The following TET3 variants were observed in gnomAD, a reference collection of about 807,000 sequenced individuals.
TET3 encodes the protein tet methylcytosine dioxygenase 3, also known as methylcytosine dioxygenase TET3.
A neutral mutation model predicts 141.4 loss-of-function variants in TET3; 19 were observed. That is an observed-to-expected ratio of 0.13 (90% CI 0.09 to 0.20). The LOEUF is 0.20. TET3 is among the 10% of genes least tolerant of loss of function. The pLI is 1.00. For missense variants in TET3, 1,874 were observed against 2,356.9 expected, an observed-to-expected ratio of 0.80 and a Z score of 4.24; for synonymous variants, 1,043 against 980.9, an observed-to-expected ratio of 1.06 and a Z score of -1.18.
intron 1 of TET3, among the ~76,000 whole-genome samples, chr2:73,985,610 T>G (rs1323262973): frequency 6.6e-6 from 1 of 151,208 alleles, no homozygotes; most frequent in Non-Finnish European, 1.5e-5. Flanking sequence ...CGAGCGAGGC[T>G]CTCAGCAAAC....
At chr2:74,089,847 G>A (rs371526069) in intron 7 of TET3, 50 bp from the exon 8 acceptor site, 20 of 1,603,184 alleles carry the variant, frequency 1.2e-5, no homozygotes, top group Non-Finnish European at 1.6e-5. Context: ...GAATACTCCA[G>A]AACGAAGGGA....
chr2:73,989,606 G>T (rs1489293719), intron 2 of TET3, among the ~76,000 whole-genome samples: 1 of 152,142 alleles, frequency 6.6e-6, no homozygotes, highest in East Asian at 1.9e-4. Context: ...CTAGAGACAG[G>T]TCCCCCAGGG....
intron 3 of TET3, among the ~76,000 whole-genome samples, chr2:74,044,756 G>A (rs1385171850): frequency 1.3e-5 from 2 of 152,188 alleles, no homozygotes; most frequent in African/African-American, 2.4e-5. Context: ...TGGAACCATC[G>A]TAAGTTGGGG....
Position 74,087,683 on chromosome 2 carries a change from G to C in TET3, c.2680-147G>C. ...TTCCCTAATAATGGTCTCTTAGCTT[G>C]TAAGGTTGCTGTCTTCAGGGCATGA... On this transcript the variant is annotated intron_variant, in intron 6 of 11. Coordinates refer to ENST00000409262, the MANE Select transcript of TET3 (RefSeq NM_001287491.2). This position sits in a 1 kb window ranked among gnomAD's most constrained non-coding sequence, Gnocchi z 4.3. 1.6e-6 allele frequency: 1 copy of C among 610,690 alleles called. No homozygotes were observed. Among genetic ancestry groups the C allele is most frequent in the South Asian group, 2.7e-5 (1 of 37,238 alleles). 37.8% of individuals were successfully genotyped at this position (610,690 alleles called of 1,614,324 possible).
chr2:74,059,043 G>T (rs1372291193), intron 4 of TET3, among the ~76,000 whole-genome samples: 1 of 152,206 alleles, frequency 6.6e-6, no homozygotes, highest in African/African-American at 2.4e-5. Flanking sequence ...GATGTGTGCT[G>T]TCTGGTGCTT....
chr2:74,042,048 A>G (rs1158894710), intron 3 of TET3, among the ~76,000 whole-genome samples: 5 of 152,244 alleles, frequency 3.3e-5, no homozygotes, highest in African/African-American at 4.8e-5. Context: ...GTTGAACAGG[A>G]TAGTTCCAAG....
chr2:74,090,192 T>C (rs1199309215), intron 8 of TET3, 145 bp downstream of exon 8: 8 of 1,298,908 alleles, frequency 6.2e-6, no homozygotes, highest in Non-Finnish European at 8.4e-6. Context: ...GCTGACCTTA[T>C]CTTGCTGTGA....
In TET3 at chr2:74,046,457, C is replaced by T. The variant is rs371662230; in HGVS notation, c.540C>T (p.Pro180=). 1.1e-5 allele frequency: 18 copies of T among 1,609,292 alleles called. No homozygotes were observed. The highest frequency in any genetic ancestry group is 1.3e-5 in the African/African-American group (1 of 74,824). The change falls in exon 4 of 12, where the codon CCC becomes CCT. Residue 180 remains proline (P), a synonymous_variant. Transcript: ENST00000409262. This position sits in a 1 kb window ranked among gnomAD's most constrained non-coding sequence, Gnocchi z 4.3. ...GTCCTTGGCGGGTAGACCAAAAGCC[C>T]GACTGGGAGGCTGCCCCAGGCCCAG... is the stretch of plus-strand genomic sequence containing the variant. ...TGGPWRVDQK[P]DWEAAPGPAH... is the part of the protein sequence containing the mutation.
At position 73,986,465 on chromosome 2, in the gene TET3, C is replaced by T. The variant is rs2105056550; in HGVS notation, c.62C>T (p.Pro21Leu). Residue 21 changes from proline (P) to leucine (L), a missense_variant, in exon 2 of 12, where the codon CCT becomes CTT. Physicochemically the swap from Pro to Leu is moderately conservative, Grantham distance 98. Around this residue, in one of 10 missense-constraint regions of TET3, gnomAD observed 366 missense variants for 487.0 expected, o/e 0.75. Coordinates refer to ENST00000409262, the MANE Select transcript of TET3 (RefSeq NM_001287491.2). ...GACCTGCCAGGCCTTTATGACTTCC[C>T]TCAGCGCCAGGTGATGGTAGGGAGC... ...QPDLPGLYDF[P>L]QRQVMVGSFP... 8.1e-7 allele frequency: 1 copy of T among 1,232,264 alleles called. No homozygotes were observed. The highest frequency in any genetic ancestry group is 1.0e-6 in the Non-Finnish European group (1 of 988,076). The allele number at this position is 1,232,264 out of a possible 1,614,324, so 76.3% of individuals were successfully genotyped here.
chr2:73,988,851 G>A (rs979802807), intron 2 of TET3, among the ~76,000 whole-genome samples: 3 of 150,814 alleles, frequency 2.0e-5, no homozygotes, highest in South Asian at 2.1e-4. Flanking sequence ...TCTACTTCTC[G>A]ATGTTTAAAA....
the TET3 span, chr2:74,121,858 TGTG>T: frequency 1.3e-5 from 2 of 152,184 alleles, no homozygotes; most frequent in South Asian, 2.1e-4. Flanking sequence ...ATTAACCAGA[TGTG>T]GTGGTGCACA....
intron 4 of TET3, among the ~76,000 whole-genome samples, chr2:74,061,700 ACGGGG>A (rs1688589077): frequency 7.5e-6 from 1 of 132,666 alleles, no homozygotes; most frequent in African/African-American, 3.0e-5. Context: ...CACTTCTCAG[ACGGGG>A]CAGCTGCCGG....
At chr2:74,066,724 G>A (rs973083013) in intron 4 of TET3, among the ~76,000 whole-genome samples, 1 of 152,220 alleles carries the variant, frequency 6.6e-6, no homozygotes, top group East Asian at 1.9e-4. Flanking sequence ...TGACCAGCCA[G>A]TTCTAGGTTG....
chr2:74,125,814 C>T, the TET3 span, among the ~76,000 whole-genome samples: 1 of 152,086 alleles, frequency 6.6e-6, no homozygotes, highest in African/African-American at 2.4e-5. Flanking sequence ...GGATTACAGG[C>T]ATGAGCCACC....
chr2:74,066,356 G>A (rs1327609395), intron 4 of TET3, among the ~76,000 whole-genome samples: 1 of 152,112 alleles, frequency 6.6e-6, no homozygotes, highest in Admixed American at 6.5e-5. Flanking sequence ...ATTTGAAAAT[G>A]AGACATTTAC....
chr2:74,033,675 G>A (rs561002129), intron 3 of TET3, among the ~76,000 whole-genome samples: 1 of 152,294 alleles, frequency 6.6e-6, no homozygotes, highest in South Asian at 2.1e-4. Flanking sequence ...ACATTATATT[G>A]TAGTCTAGCA....
Position 74,099,377 on chromosome 2 carries a change from G to A in TET3, c.3369G>A (p.Glu1123=). The A allele has an allele frequency of 6.2e-7, 1 of 1,614,022 alleles. No individual in the cohort carries two copies. Among genetic ancestry groups the A allele is most frequent in the Non-Finnish European group, 8.5e-7 (1 of 1,179,896 alleles). The change falls in exon 11 of 12, where the codon GAG becomes GAA. Residue 1123 remains glutamate, a synonymous_variant. Transcript: ENST00000409262. ...LPLYKMANTD[E]FGSEENQNAK... The stretch of plus-strand genomic sequence containing the variant: ...TGTACAAGATGGCCAACACGGATGA[G>A]TTTGGTAGCGAGGAGAACCAGAATG...
chr2:74,019,078 G>A lies in TET3; in HGVS notation c.360+15912G>A, dbSNP rs552798376. On this transcript the variant is annotated intron_variant, in intron 3 of 11. Coordinates refer to ENST00000409262, the MANE Select transcript of TET3 (RefSeq NM_001287491.2). ...CCAGGGTAACATAGTGAGACCCCCC[G>A]CCAACCCTCATCTCTACAAAAAATA... Among the ~76,000 whole-genome samples the A allele has an allele frequency of 2.6e-4, 40 of 152,006 alleles. 1 individual carries two copies. Among genetic ancestry groups the A allele is most frequent in the South Asian group, 1.0e-3 (5 of 4,824 alleles).
chr2:74,130,971 C>A, the TET3 span: 3 of 151,988 alleles, frequency 2.0e-5, no homozygotes, highest in African/African-American at 7.3e-5. Flanking sequence ...GTAGCCCCAT[C>A]GAGGGAAAAG....
Sources: gnomAD v4.1 joint callset for allele counts (sites outside exome capture counted in the v4.1 genomes callset) on GRCh38, gnomAD v4.1.1 for gene constraint, gnomAD v4.1.1 regional missense constraint, Gnocchi (gnomAD v3.1) non-coding constraint, MANE v1.5 for transcripts, NCBI Gene and HGNC (gene_info 2026-07-23, HGNC 2026-07-21) for gene names.